RAB1A: variants seen among roughly 807,000 people sequenced by gnomAD.
The protein encoded by RAB1A is ras-related protein Rab-1A.
Under a neutral mutation model 26.0 loss-of-function variants are expected in RAB1A, and 2 were observed. The ratio of observed to expected loss-of-function variants is 0.08; its 90% CI spans 0.03 to 0.24. The LOEUF (loss-of-function observed/expected upper bound fraction) is 0.24, where lower values mean the gene tolerates loss of function less well. RAB1A is among the 10% of genes least tolerant of loss of function. RAB1A has a pLI of 1.00. For missense variants in RAB1A, 100 were observed against 247.0 expected, an observed-to-expected ratio of 0.40 and a Z score of 3.99; for synonymous variants, 84 against 84.9, an observed-to-expected ratio of 0.99 and a Z score of 0.06.
At chr2:65,093,033 A>G (rs7595521) in intron 3 of RAB1A, among the ~76,000 whole-genome samples, 11,461 of 152,140 alleles carry the variant, frequency 0.075, 564 homozygotes, top group East Asian at 0.23. Flanking sequence ...ATGCAGAACT[A>G]TGAGTCAATT....
At chr2:65,091,334 T>C (rs1364142230) in intron 3 of RAB1A, among the ~76,000 whole-genome samples, 1 of 152,180 alleles carries the variant, frequency 6.6e-6, no homozygotes, top group Non-Finnish European at 1.5e-5. Flanking sequence ...AGGAACTATG[T>C]CATACTTTTC....
intron 2 of RAB1A, among the ~76,000 whole-genome samples, chr2:65,099,849 T>C (rs1018526847): frequency 2.6e-5 from 4 of 152,198 alleles, no homozygotes; most frequent in Non-Finnish European, 4.4e-5. Context: ...AGTGCAGTTC[T>C]AGGTCTTCTA....
intron 3 of RAB1A, among the ~76,000 whole-genome samples, chr2:65,092,621 G>C (rs34092394): frequency 0.016 from 2,491 of 152,300 alleles, 25 homozygotes; most frequent in Middle Eastern, 0.027. Flanking sequence ...GCTGATTAAA[G>C]TAAGCAATGG....
chr2:65,090,947 T>C (rs1669158630), intron 4 of RAB1A, 36 bp downstream of exon 4: 2 of 1,410,508 alleles, frequency 1.4e-6, no homozygotes, highest in Non-Finnish European at 2.0e-6. Context: ...GGCTTCCTAC[T>C]TGGTCACTGT....
chr2:65,124,785 A>C (rs1246683092), intron 1 of RAB1A, among the ~76,000 whole-genome samples: 2 of 152,138 alleles, frequency 1.3e-5, no homozygotes, highest in Admixed American at 1.3e-4. Flanking sequence ...AGATTATCTC[A>C]TCATCTCATT....
chr2:65,124,174 G>A (rs1348964824), intron 1 of RAB1A, among the ~76,000 whole-genome samples: 1 of 152,098 alleles, frequency 6.6e-6, no homozygotes, highest in Non-Finnish European at 1.5e-5. Context: ...TTTAGTAGAG[G>A]CAGGGTTTCA....
intron 1 of RAB1A, among the ~76,000 whole-genome samples, chr2:65,120,420 C>T (rs1194395411): frequency 7.2e-6 from 1 of 138,026 alleles, no homozygotes; most frequent in Non-Finnish European, 1.5e-5. Context: ...CACACCACTA[C>T]ACTCCAGCCT....
chr2:65,100,416 A>AAAAC, intron 2 of RAB1A, among the ~76,000 whole-genome samples: 1 of 151,026 alleles, frequency 6.6e-6, no homozygotes, highest in Non-Finnish European at 1.5e-5. Context: ...AAAAAAAAAA[A>AAAAC]AAAAAAAGTT....
At chr2:65,127,652 G>A (rs1670129090) in intron 1 of RAB1A, among the ~76,000 whole-genome samples, 1 of 152,244 alleles carries the variant, frequency 6.6e-6, no homozygotes, top group Non-Finnish European at 1.5e-5. Flanking sequence ...CTTGAACCCA[G>A]GAGGCGGAGG....
rs180844147 is a variant in RAB1A at position 65,094,200 on chromosome 2, A to T, written c.193-3122T>A. Among the ~76,000 whole-genome samples, 683 of 151,340 alleles carry T rather than the reference A, an allele frequency of 4.5e-3. 3 individuals carry two copies. Among genetic ancestry groups the T allele is most frequent in the Non-Finnish European group, 6.7e-3 (456 of 67,766 alleles). ...GCCCATACTGGTCTTGAACTCCTGA[A>T]CTCAAGAGATCTGCCTGCCTCAGCC... On this transcript the variant is annotated intron_variant, in intron 3 of 5. Coordinates refer to ENST00000409784, the MANE Select transcript of RAB1A (RefSeq NM_004161.5).
chr2:65,100,804 A>C (rs1669407012), intron 2 of RAB1A, among the ~76,000 whole-genome samples: 1 of 150,986 alleles, frequency 6.6e-6, no homozygotes, highest in Non-Finnish European at 1.5e-5. Flanking sequence ...AAATGAATGC[A>C]ATAAATATTC....
intron 1 of RAB1A, among the ~76,000 whole-genome samples, chr2:65,120,653 T>C (rs757004691): frequency 1.3e-5 from 2 of 152,024 alleles, no homozygotes; most frequent in Non-Finnish European, 1.5e-5. Context: ...CCTATAACTT[T>C]ATGCAAAATG....
intron 1 of RAB1A, among the ~76,000 whole-genome samples, chr2:65,109,430 G>A (rs368643881): frequency 6.2e-4 from 94 of 152,180 alleles, no homozygotes; most frequent in African/African-American, 2.1e-3. Flanking sequence ...TTGGCTGGGC[G>A]CGGTGGCTCA....
chr2:65,105,828 T>C lies in RAB1A; in HGVS notation c.24-1022A>G, dbSNP rs186430983. Among the ~76,000 whole-genome samples the C allele has an allele frequency of 3.3e-5, 5 of 152,064 alleles. No individual in the cohort carries two copies. The East Asian group carries it at 7.8e-4, about 24-fold the overall frequency. On this transcript the variant is annotated intron_variant, in intron 1 of 5. Coordinates refer to ENST00000409784, the MANE Select transcript of RAB1A (RefSeq NM_004161.5). ...CCCAGGCTGGAGTGCAGTGGCGCGA[T>C]CTCGGCTCACTGCAACCTCCAACTC...
Position 65,091,175 on chromosome 2 carries a change from T to C in RAB1A, c.193-97A>G. The C allele has an allele frequency of 1.1e-5, 10 of 891,232 alleles. No homozygotes were observed. The Admixed American group carries it at 1.8e-4, about 16-fold the overall frequency. The allele number at this position is 891,232 out of a possible 1,614,324, so 55.2% of individuals were successfully genotyped here. The stretch of plus-strand genomic sequence containing the variant: ...GGAAATAGTTTAGTTTTCATAACTG[T>C]GGAGATTATCAGGATGTGATATAGA... On this transcript the variant is annotated intron_variant, in intron 3 of 5. Transcript: ENST00000409784.
At chr2:65,094,357 G>A (rs557218275) in intron 3 of RAB1A, among the ~76,000 whole-genome samples, 1 of 152,300 alleles carries the variant, frequency 6.6e-6, no homozygotes, top group African/African-American at 2.4e-5. Flanking sequence ...GGCCAAGGCA[G>A]GCGGATCACC....
intron 1 of RAB1A, among the ~76,000 whole-genome samples, chr2:65,107,265 T>C (rs888526132): frequency 2.0e-5 from 3 of 150,974 alleles, no homozygotes; most frequent in Non-Finnish European, 2.9e-5. Flanking sequence ...GGGAGTTTCA[T>C]CATGTTGGAG....
intron 2 of RAB1A, among the ~76,000 whole-genome samples, chr2:65,102,683 T>G (rs1269883143): frequency 6.6e-6 from 1 of 151,230 alleles, no homozygotes; most frequent in Non-Finnish European, 1.5e-5. Flanking sequence ...ATCCCAGCAC[T>G]TTGGGAGGCT....
At chr2:65,109,482 T>C (rs1669644698) in intron 1 of RAB1A, among the ~76,000 whole-genome samples, 1 of 152,014 alleles carries the variant, frequency 6.6e-6, no homozygotes, top group African/African-American at 2.4e-5. Context: ...GGTGGGTGGA[T>C]TACCTGAGGT....
Sources: allele counts gnomAD v4.1 joint callset (sites outside exome capture counted in the v4.1 genomes callset), GRCh38; gene constraint gnomAD v4.1.1; transcripts MANE v1.5; gene names NCBI Gene and HGNC (gene_info 2026-07-23, HGNC 2026-07-21).